RANBP3L: variants seen among roughly 807,000 people sequenced by gnomAD.
RANBP3L encodes ran-binding protein 3-like.
RANBP3L carries 56 observed loss-of-function variants against 67.2 expected under a neutral mutation model. That is an observed-to-expected ratio of 0.83 (90% CI 0.67 to 1.04). The LOEUF is 1.04. Among genes scored for constraint, RANBP3L ranks in the 50% least tolerant of loss-of-function variants. The pLI, the probability that RANBP3L is intolerant of heterozygous loss-of-function variation, is 0.00. For synonymous variants in RANBP3L, 164 were observed against 181.4 expected (o/e 0.90, Z 0.77); for missense variants, 496 against 535.5 (o/e 0.93, Z 0.73).
At chr5:36,295,955 C>T (rs1406566226) in intron 1 of RANBP3L, among the ~76,000 whole-genome samples, 2 of 152,000 alleles carry the variant, frequency 1.3e-5, no homozygotes, top group Admixed American at 1.3e-4. Flanking sequence ...GTCATATGGC[C>T]AATTATTTAA....
At chr5:36,300,426 T>C (rs1752533926) in intron 1 of RANBP3L, among the ~76,000 whole-genome samples, 1 of 152,198 alleles carries the variant, frequency 6.6e-6, no homozygotes, top group African/African-American at 2.4e-5. Flanking sequence ...AGATTCCATC[T>C]TGGAAATGGG....
chr5:36,257,355 A>G (rs556987108), intron 9 of RANBP3L, 99 bp downstream of exon 9: 1 of 466,140 alleles, frequency 2.1e-6, no homozygotes, highest in South Asian at 5.5e-5. Context: ...ATCTTATAGT[A>G]AATATTAATT....
At chr5:36,251,893 A>G (rs1374290370) in intron 12 of RANBP3L, among the ~76,000 whole-genome samples, 1 of 152,106 alleles carries the variant, frequency 6.6e-6, no homozygotes, top group Non-Finnish European at 1.5e-5. Flanking sequence ...CCTCCAAACT[A>G]CATAGCTTTG....
chr5:36,283,765 A>G (rs1751141906), intron 1 of RANBP3L, among the ~76,000 whole-genome samples: 1 of 152,306 alleles, frequency 6.6e-6, no homozygotes, highest in East Asian at 1.9e-4. Context: ...TGGTTTTTAC[A>G]TCTACATGGA....
chr5:36,268,142 T>A, intron 4 of RANBP3L: 1 of 1,201,930 alleles, frequency 8.3e-7, no homozygotes. Context: ...TTAATAAGAA[T>A]GATTTTGAAA....
intron 1 of RANBP3L, among the ~76,000 whole-genome samples, chr5:36,284,466 A>C (rs912890916): frequency 6.6e-6 from 1 of 152,240 alleles, no homozygotes; most frequent in Admixed American, 6.5e-5. Flanking sequence ...TTTTAAGTCA[A>C]GTTAATGATT....
At chr5:36,287,175 G>A (rs1751386096) in intron 1 of RANBP3L, among the ~76,000 whole-genome samples, 1 of 152,174 alleles carries the variant, frequency 6.6e-6, no homozygotes, top group African/African-American at 2.4e-5. Context: ...ACGCTCCAGT[G>A]AGACTCTAAT....
intron 1 of RANBP3L, among the ~76,000 whole-genome samples, chr5:36,275,355 G>A (rs145238150): frequency 2.8e-4 from 43 of 152,262 alleles, no homozygotes; most frequent in Non-Finnish European, 4.9e-4. Context: ...AAGTGGCAAC[G>A]CCTTTAATTA....
intron 1 of RANBP3L, among the ~76,000 whole-genome samples, chr5:36,288,380 G>C (rs1411774573): frequency 6.6e-6 from 1 of 152,082 alleles, no homozygotes; most frequent in African/African-American, 2.4e-5. Context: ...CAGTTTACTT[G>C]CTTATGAACA....
chr5:36,262,730 A>C (rs1749487565), intron 6 of RANBP3L, among the ~76,000 whole-genome samples: 1 of 152,056 alleles, frequency 6.6e-6, no homozygotes, highest in East Asian at 1.9e-4. Flanking sequence ...TTAAATTTTT[A>C]TTTCAATCAA....
chr5:36,255,949 C>G (rs1371040013), intron 10 of RANBP3L, among the ~76,000 whole-genome samples: 1 of 151,870 alleles, frequency 6.6e-6, no homozygotes, highest in African/African-American at 2.4e-5. Context: ...CTCTTTTTTT[C>G]TGTCAATGGT....
At chr5:36,295,495 G>A (rs968028715) in intron 1 of RANBP3L, among the ~76,000 whole-genome samples, 2 of 152,124 alleles carry the variant, frequency 1.3e-5, no homozygotes, top group African/African-American at 4.8e-5. Flanking sequence ...GGAACTGTGT[G>A]TCAATTAAAC....
Position 36,265,001 on chromosome 5 carries a change from CT to C in RANBP3L, c.437del (p.Lys146ArgfsTer24). The C allele has an allele frequency of 6.2e-7, 1 of 1,613,842 alleles. No homozygotes were observed. Among genetic ancestry groups the C allele is most frequent in the Non-Finnish European group, 8.5e-7 (1 of 1,179,860 alleles). On this transcript the variant is annotated frameshift_variant, in exon 6 of 14. Coordinates refer to ENST00000296604, the MANE Select transcript of RANBP3L (RefSeq NM_145000.5). LOFTEE classifies it high-confidence loss of function. ...CTTTAGTCTTGCAAGATTCCAGTGCCTTGTGTCCAAATGTTTTTCTTACTTT... is the reference window on the plus strand; with the variant it reads ...CTTTAGTCTTGCAAGATTCCAGTGCCTGTGTCCAAATGTTTTTCTTACTTT... ...CAKVRKTFGH[K>X]ALESCKTKEK...
chr5:36,277,348 A>G (rs572919787), intron 1 of RANBP3L, among the ~76,000 whole-genome samples: 25 of 151,402 alleles, frequency 1.7e-4, no homozygotes, highest in African/African-American at 5.8e-4. Flanking sequence ...TGGAAGTTAG[A>G]TGGTCCTAGA....
chr5:36,257,235 C>T (rs891122443), intron 9 of RANBP3L, among the ~76,000 whole-genome samples, 164 bp from the exon 10 acceptor site: 3 of 151,914 alleles, frequency 2.0e-5, no homozygotes, highest in Non-Finnish European at 2.9e-5. Flanking sequence ...TTATCAATTC[C>T]CCCATAGCAT....
intron 1 of RANBP3L, among the ~76,000 whole-genome samples, chr5:36,299,041 G>C (rs757720530): frequency 6.6e-6 from 1 of 152,086 alleles, no homozygotes; most frequent in Non-Finnish European, 1.5e-5. Flanking sequence ...CCTTAATCTA[G>C]TGGGCACAAT....
At chr5:36,284,112 T>C (rs994844941) in intron 1 of RANBP3L, among the ~76,000 whole-genome samples, 21 of 152,284 alleles carry the variant, frequency 1.4e-4, no homozygotes, top group Admixed American at 1.1e-3. Context: ...GCCTCCTAAG[T>C]AGCTCACTTC....
In RANBP3L at chr5:36,247,735, T is replaced by C. The variant is rs998016146; in HGVS notation, c.*1919A>G. Among the ~76,000 whole-genome samples the C allele has an allele frequency of 6.6e-6, 1 of 151,918 alleles. No individual in the cohort carries two copies. The highest frequency in any genetic ancestry group is 2.4e-5 in the African/African-American group (1 of 41,356). On this transcript the variant is annotated 3_prime_UTR_variant, in exon 14 of 14. Coordinates refer to ENST00000296604, the MANE Select transcript of RANBP3L (RefSeq NM_145000.5). ...CCCGTCTCTACTAAAAATACAAAAATTAGCCAGGTATGATGGCGGGCGCCT... is the reference window on the plus strand; with the variant it reads ...CCCGTCTCTACTAAAAATACAAAAACTAGCCAGGTATGATGGCGGGCGCCT...
chr5:36,286,422 C>T (rs929673973), intron 1 of RANBP3L, among the ~76,000 whole-genome samples: 1 of 152,116 alleles, frequency 6.6e-6, no homozygotes, highest in African/African-American at 2.4e-5. Context: ...CAATCACTTC[C>T]TAACACTCAC....
Sources: gnomAD v4.1 joint callset for allele counts (sites outside exome capture counted in the v4.1 genomes callset) on GRCh38, gnomAD v4.1.1 for gene constraint, MANE v1.5 for transcripts, NCBI Gene and HGNC (gene_info 2026-07-23, HGNC 2026-07-21) for gene names.